RALGAPA1: variants seen among roughly 807,000 people sequenced by gnomAD.
RALGAPA1 encodes ral GTPase-activating protein subunit alpha-1.
A neutral mutation model predicts 269.6 loss-of-function variants in RALGAPA1; 52 were observed. The ratio of observed to expected loss-of-function variants is 0.19; its 90% CI spans 0.15 to 0.24. The LOEUF (loss-of-function observed/expected upper bound fraction) is 0.24. Ranked by LOEUF, RALGAPA1 falls within the 10% of genes least tolerant of loss-of-function variation. The probability of loss-of-function intolerance (pLI) is 1.00; values close to 1 mark genes in which losing one functional copy is unlikely to be tolerated. For missense variants in RALGAPA1, 1,917 were observed against 3,013.9 expected (o/e 0.64, Z 8.52); for synonymous variants, 817 against 1,008.3 (o/e 0.81, Z 3.60).
At position 35,656,055 on chromosome 14, in the gene RALGAPA1, C is replaced by T. The variant is rs570684362; in HGVS notation, c.5388-140G>A. The T allele has an allele frequency of 2.7e-4, 395 of 1,440,882 alleles. 3 individuals are homozygous for T. The highest frequency in any genetic ancestry group is 2.3e-3 in the Middle Eastern group (13 of 5,604). The allele number at this position is 1,440,882 out of a possible 1,614,324, so 89.3% of individuals were successfully genotyped here. On this transcript the variant is annotated intron_variant, in intron 28 of 41. Coordinates refer to ENST00000680220, the MANE Select transcript of RALGAPA1 (RefSeq NM_001346249.2). ...TGTTACTCTATACATTAACTGGTAA[C>T]CAAAGAAGAGAAAGTATGAAGAAAG...
At chr14:35,690,222 C>T (rs2066362085) in intron 17 of RALGAPA1, among the ~76,000 whole-genome samples, 1 of 152,014 alleles carries the variant, frequency 6.6e-6, no homozygotes, top group South Asian at 2.1e-4. Context: ...TACCAAAACA[C>T]ATTTTAAAAT....
chr14:35,683,138 T>C (rs908470174), intron 21 of RALGAPA1, among the ~76,000 whole-genome samples: 1 of 152,156 alleles, frequency 6.6e-6, no homozygotes, highest in Non-Finnish European at 1.5e-5. Flanking sequence ...GAGGTTGGAT[T>C]ATAGAGTGGA....
intron 2 of RALGAPA1, 145 bp downstream of exon 2, chr14:35,775,490 T>C (rs750978404): frequency 1.2e-3 from 1,131 of 942,252 alleles, no homozygotes; most frequent in Non-Finnish European, 1.6e-3. Flanking sequence ...TACAGGTCAC[T>C]AGACCTATGA....
chr14:35,608,415 G>GA (rs1487659977), intron 35 of RALGAPA1, among the ~76,000 whole-genome samples: 1 of 152,120 alleles, frequency 6.6e-6, no homozygotes, highest in African/African-American at 2.4e-5. Context: ...TTACTGGGGG[G>GA]AAACCAAGTT....
At chr14:35,679,634 T>C (rs561734278) in intron 21 of RALGAPA1, among the ~76,000 whole-genome samples, 30 of 152,326 alleles carry the variant, frequency 2.0e-4, no homozygotes, top group African/African-American at 7.2e-4. Context: ...TGAATGAGAA[T>C]TGCTTTCACA....
At chr14:35,749,562 T>TAA (rs1193464507) in intron 9 of RALGAPA1, among the ~76,000 whole-genome samples, 2 of 152,136 alleles carry the variant, frequency 1.3e-5, no homozygotes, top group Admixed American at 1.3e-4. Context: ...AGAGCTTAAA[T>TAA]AAATGACCTC....
chr14:35,755,264 G>C (rs2073069750), intron 7 of RALGAPA1, among the ~76,000 whole-genome samples: 1 of 152,026 alleles, frequency 6.6e-6, no homozygotes, highest in South Asian at 2.1e-4. Flanking sequence ...GAGGTGTCAG[G>C]ATCACTTGGG....
chr14:35,614,863 G>A (rs1356600287), intron 35 of RALGAPA1, among the ~76,000 whole-genome samples: 1 of 152,052 alleles, frequency 6.6e-6, no homozygotes, highest in Non-Finnish European at 1.5e-5. Context: ...ATTGAGAAGA[G>A]CTGGATAGAA....
chr14:35,777,763 A>G lies in RALGAPA1; in HGVS notation c.107-2018T>C, dbSNP rs372820358. Among the ~76,000 whole-genome samples the G allele has an allele frequency of 2.0e-4, 30 of 152,120 alleles. No individual in the cohort carries two copies. The East Asian group carries it at 5.4e-3, about 27-fold the overall frequency. ...TTTTCAGTAGAGATGGGGTCTCACT[A>G]TGTTGGCCAGCCTGACCTCAAGTGA... On this transcript the variant is annotated intron_variant, in intron 1 of 41. Coordinates refer to ENST00000680220, the MANE Select transcript of RALGAPA1 (RefSeq NM_001346249.2).
In RALGAPA1 at chr14:35,544,205, T is replaced by C. The variant is rs904564286; in HGVS notation, c.*23+4303A>G. Reference sequence around the variant, plus strand: ...TTCTCCCCTGGCAACCTTAAAGATATATGGGGGAAAAGAGATTTTTCAATG... The same window carrying C: ...TTCTCCCCTGGCAACCTTAAAGATACATGGGGGAAAAGAGATTTTTCAATG... On this transcript the variant is annotated intron_variant, in intron 41 of 41. Coordinates refer to ENST00000680220, the MANE Select transcript of RALGAPA1 (RefSeq NM_001346249.2). 3.9e-5 allele frequency among the ~76,000 whole-genome samples: 6 copies of C among 152,126 alleles called. 1 individual carries two copies. The highest frequency in any genetic ancestry group is 7.2e-5 in the African/African-American group (3 of 41,436).
intron 35 of RALGAPA1, among the ~76,000 whole-genome samples, chr14:35,625,046 T>A (rs993347611): frequency 1.3e-5 from 2 of 150,280 alleles, no homozygotes; most frequent in African/African-American, 4.9e-5. Flanking sequence ...AAAAAAAAGT[T>A]AGCCGGGTGT....
chr14:35,608,267 G>GA (rs1308321382), intron 35 of RALGAPA1, among the ~76,000 whole-genome samples: 2 of 151,966 alleles, frequency 1.3e-5, no homozygotes. Context: ...ATGGTAAGGG[G>GA]AAAAAAATCA....
intron 36 of RALGAPA1, among the ~76,000 whole-genome samples, chr14:35,598,028 T>C (rs183615757): frequency 7.9e-5 from 12 of 152,354 alleles, no homozygotes; most frequent in Admixed American, 1.3e-4. Context: ...CATATGTAGA[T>C]TAGATCTTGT....
At chr14:35,662,741 A>G (rs780347548) in intron 27 of RALGAPA1, among the ~76,000 whole-genome samples, 6 of 152,172 alleles carry the variant, frequency 3.9e-5, no homozygotes, top group Non-Finnish European at 8.8e-5. Flanking sequence ...AATCTCCTGA[A>G]TAAAAGAAAC....
chr14:35,748,888 G>A (rs1378602242), intron 9 of RALGAPA1, 64 bp from the exon 10 acceptor site: 10 of 1,481,848 alleles, frequency 6.7e-6, no homozygotes, highest in Non-Finnish European at 8.9e-6. Flanking sequence ...TATGTATTTT[G>A]TCTTTTAATA....
intron 35 of RALGAPA1, among the ~76,000 whole-genome samples, chr14:35,619,027 T>C (rs1326000179): frequency 1.3e-5 from 2 of 152,028 alleles, no homozygotes; most frequent in Non-Finnish European, 2.9e-5. Flanking sequence ...TTTAAATGTA[T>C]CTGGAAGAAT....
chr14:35,750,823 G>T, intron 8 of RALGAPA1, 133 bp from the exon 9 acceptor site: 1 of 763,564 alleles, frequency 1.3e-6, no homozygotes, highest in Non-Finnish European at 2.0e-6. Context: ...GCACAGAAAT[G>T]ACATTTCAAA....
At chr14:35,671,245 C>T in intron 26 of RALGAPA1, 144 bp downstream of exon 26, 1 of 580,634 alleles carries the variant, frequency 1.7e-6, no homozygotes. Context: ...AGATTTCTTG[C>T]TTACTTTTTT....
intron 1 of RALGAPA1, among the ~76,000 whole-genome samples, chr14:35,802,360 T>C (rs115822989): frequency 1.5e-3 from 230 of 152,268 alleles, no homozygotes; most frequent in African/African-American, 5.2e-3. Context: ...TTGTAGGACA[T>C]AAGCTCACTA....
Sources: gnomAD v4.1 joint callset for allele counts (sites outside exome capture counted in the v4.1 genomes callset) on GRCh38, gnomAD v4.1.1 for gene constraint, MANE v1.5 for transcripts, NCBI Gene and HGNC (gene_info 2026-07-23, HGNC 2026-07-21) for gene names.